The following RPH3AL variants were observed in gnomAD, a reference collection of about 807,000 sequenced individuals.
The protein encoded by RPH3AL is rab effector Noc2.
RPH3AL carries 38 observed loss-of-function variants against 43.1 expected under a neutral mutation model. That is an observed-to-expected ratio of 0.88 (90% CI 0.68 to 1.15). The LOEUF is 1.15. Among genes scored for constraint, RPH3AL ranks in the 50% most tolerant of loss-of-function variants. The pLI, the probability that RPH3AL is intolerant of heterozygous loss-of-function variation, is 0.00. For missense variants in RPH3AL, 462 were observed against 423.2 expected, an observed-to-expected ratio of 1.09 and a Z score of -0.81; for synonymous variants, 189 against 176.3, an observed-to-expected ratio of 1.07 and a Z score of -0.57.
At chr17:320,875 G>A (rs751840532) in intron 4 of RPH3AL, among the ~76,000 whole-genome samples, 11 of 152,246 alleles carry the variant, frequency 7.2e-5, no homozygotes, top group Non-Finnish European at 1.2e-4. Flanking sequence ...AGAGCCAGGC[G>A]GGGAGCGGCT....
At chr17:259,071 G>A (rs1409452022) in intron 6 of RPH3AL, among the ~76,000 whole-genome samples, 1 of 152,162 alleles carries the variant, frequency 6.6e-6, no homozygotes, top group Admixed American at 6.5e-5. Flanking sequence ...ATGAGCACCC[G>A]ATGGATCATT....
At chr17:305,212 C>T (rs1024980030) in intron 5 of RPH3AL, among the ~76,000 whole-genome samples, 2 of 151,772 alleles carry the variant, frequency 1.3e-5, no homozygotes, top group Non-Finnish European at 2.9e-5. Context: ...AGGAGTCATC[C>T]GTTCTGGAAA....
At chr17:315,593 G>T (rs1598096964) in intron 5 of RPH3AL, among the ~76,000 whole-genome samples, 1 of 123,344 alleles carries the variant, frequency 8.1e-6, no homozygotes, top group African/African-American at 3.0e-5. Context: ...TAGTCCCTGT[G>T]CTCCACCTCC....
chr17:319,174 G>T (rs1209187818), intron 5 of RPH3AL, among the ~76,000 whole-genome samples: 2 of 152,190 alleles, frequency 1.3e-5, no homozygotes, highest in Non-Finnish European at 2.9e-5. Context: ...ACCAGCTCTG[G>T]GTCTCGTGGC....
intron 5 of RPH3AL, among the ~76,000 whole-genome samples, chr17:285,132 C>T (rs564496133): frequency 3.9e-5 from 6 of 152,318 alleles, no homozygotes; most frequent in Middle Eastern, 3.4e-3. Flanking sequence ...CTTTTGTACT[C>T]GGGAGCCCTA....
At chr17:248,130 C>T (rs890102965) in intron 6 of RPH3AL, among the ~76,000 whole-genome samples, 3 of 152,216 alleles carry the variant, frequency 2.0e-5, no homozygotes, top group Non-Finnish European at 4.4e-5. Context: ...GACACCTCCT[C>T]CTGCCCCCAG....
At chr17:258,828 A>G (rs2042133246) in intron 6 of RPH3AL, among the ~76,000 whole-genome samples, 1 of 145,844 alleles carries the variant, frequency 6.9e-6, no homozygotes, top group Non-Finnish European at 1.5e-5. Flanking sequence ...TGGCACGATC[A>G]TGGCTCACTG....
intron 6 of RPH3AL, among the ~76,000 whole-genome samples, chr17:268,392 CTAGCT>C (rs1287144596): frequency 1.3e-5 from 2 of 151,992 alleles, no homozygotes; most frequent in African/African-American, 4.8e-5. Flanking sequence ...TTTCTTTTCT[CTAGCT>C]TATTTTATTG....
chr17:280,481 C>A (rs1427487811), intron 6 of RPH3AL, among the ~76,000 whole-genome samples: 3 of 152,170 alleles, frequency 2.0e-5, no homozygotes, highest in Non-Finnish European at 4.4e-5. Context: ...CGCCACAAAC[C>A]CAGGATGCCT....
chr17:344,348 C>A (rs1380440966), intron 1 of RPH3AL, among the ~76,000 whole-genome samples: 1 of 128,454 alleles, frequency 7.8e-6, no homozygotes, highest in African/African-American at 2.7e-5. Context: ...ATCATTATTA[C>A]CATCATCATC....
chr17:278,383 T>C (rs1305493796), intron 6 of RPH3AL, among the ~76,000 whole-genome samples: 5 of 152,174 alleles, frequency 3.3e-5, no homozygotes, highest in Non-Finnish European at 5.9e-5. Flanking sequence ...ATGTGTTTAT[T>C]AGCAGCATGA....
rs1446551850 is a variant in RPH3AL, at chr17:215,471, C to T, written c.876+183G>A. Among the ~76,000 whole-genome samples, 1 of 152,220 alleles carries T rather than the reference C, an allele frequency of 6.6e-6. No individual in the cohort carries two copies. Among genetic ancestry groups the T allele is most frequent in the Non-Finnish European group, 1.5e-5 (1 of 68,032 alleles). ...ATGGCTACCATTATCATTCTGGGTCCCTCTCTCTGTTCCTTGCAGGCAGGG... is the reference window on the plus strand; with the variant it reads ...ATGGCTACCATTATCATTCTGGGTCTCTCTCTCTGTTCCTTGCAGGCAGGG... On this transcript the variant is annotated intron_variant, in intron 9 of 9. Coordinates refer to ENST00000331302, the MANE Select transcript of RPH3AL (RefSeq NM_006987.4). This position sits in a 1 kb window ranked among gnomAD's most constrained non-coding sequence, Gnocchi z 4.1.
intron 1 of RPH3AL, among the ~76,000 whole-genome samples, chr17:350,949 T>C (rs944541109): frequency 6.6e-6 from 1 of 152,146 alleles, no homozygotes; most frequent in Non-Finnish European, 1.5e-5. Context: ...GAACATTCCA[T>C]GATAGGCCAG....
At chr17:314,552 T>G (rs547633846) in intron 5 of RPH3AL, among the ~76,000 whole-genome samples, 4,953 of 139,800 alleles carry the variant, frequency 0.035, 250 homozygotes, top group African/African-American at 0.13. Flanking sequence ...TGACCTGTAG[T>G]CTCTGTGCCC....
At chr17:334,351 C>T (rs1368028607) in intron 1 of RPH3AL, among the ~76,000 whole-genome samples, 2 of 152,264 alleles carry the variant, frequency 1.3e-5, no homozygotes, top group African/African-American at 4.8e-5. Flanking sequence ...GGAGGCAAAA[C>T]AACCTGCCTC....
chr17:218,119 T>C (rs1257633856), intron 8 of RPH3AL, among the ~76,000 whole-genome samples: 2 of 150,216 alleles, frequency 1.3e-5, no homozygotes, highest in Admixed American at 6.6e-5. Context: ...TGCACTAAAA[T>C]TGGCCTCGCT....
In RPH3AL at chr17:304,966, AG is replaced by A. The variant is rs200867993; in HGVS notation, c.351+14453del. 3.8e-3 allele frequency among the ~76,000 whole-genome samples: 83 copies of A among 21,724 alleles called. 9 individuals are homozygous for A. Among genetic ancestry groups the A allele is most frequent in the African/African-American group, 9.0e-3 (57 of 6,346 alleles). The allele number at this position is 21,724 out of a possible 152,430, so 14.3% of individuals were successfully genotyped here. On this transcript the variant is annotated intron_variant, in intron 5 of 9. Coordinates refer to ENST00000331302, the MANE Select transcript of RPH3AL (RefSeq NM_006987.4). ...CAGGGCGAGAGGGGGACAGGGCGAG[AG>A]GGGGACAGGGCGGGAGGGGGACAGG...
At chr17:309,513 GCCC>G (rs1567636052) in intron 5 of RPH3AL, among the ~76,000 whole-genome samples, 233 of 23,016 alleles carry the variant, frequency 0.01, no homozygotes, top group East Asian at 0.029. Flanking sequence ...CATGTCCCCC[GCCC>G]TGCCCAGGGC....
chr17:221,502 C>T (rs1555530977), intron 7 of RPH3AL, among the ~76,000 whole-genome samples: 1 of 55,744 alleles, frequency 1.8e-5, no homozygotes, highest in Non-Finnish European at 3.2e-5. Flanking sequence ...AGCTCTGAGG[C>T]CTCCACTCAC....
Sources: gnomAD v4.1 joint callset for allele counts (sites outside exome capture counted in the v4.1 genomes callset) on GRCh38, gnomAD v4.1.1 for gene constraint, Gnocchi (gnomAD v3.1) non-coding constraint, MANE v1.5 for transcripts, NCBI Gene and HGNC (gene_info 2026-07-23, HGNC 2026-07-21) for gene names.